The following GFOD1 variants were observed in gnomAD, a reference collection of about 807,000 sequenced individuals.
GFOD1 encodes the protein glucose-fructose oxidoreductase domain-containing protein 1.
GFOD1 carries 9 observed loss-of-function variants against 25.4 expected under a neutral mutation model. The observed-to-expected ratio is 0.35, with a 90% CI of 0.21 to 0.62. GFOD1 has a LOEUF of 0.62. Among genes scored for constraint, GFOD1 ranks in the 20% least tolerant of loss-of-function variants. The pLI, the probability that GFOD1 is intolerant of heterozygous loss-of-function variation, is 0.72. For missense variants in GFOD1, 403 were observed against 556.9 expected (o/e 0.72, Z 2.78); for synonymous variants, 253 against 245.6 (o/e 1.03, Z -0.28).
intron 1 of GFOD1, among the ~76,000 whole-genome samples, chr6:13,425,289 T>G (rs1405940845): frequency 6.6e-6 from 1 of 152,148 alleles, no homozygotes; most frequent in Non-Finnish European, 1.5e-5. Flanking sequence ...CACAACCTGT[T>G]GAGTTAGTTA....
Position 13,361,919 on chromosome 6 carries a change from C to A in GFOD1, c.*2824G>T, listed in dbSNP as rs1198723954. 1 of 152,010 alleles carries A rather than the reference C, an allele frequency of 6.6e-6. No homozygotes were observed. The highest frequency in any genetic ancestry group is 2.1e-4 in the South Asian group (1 of 4,820). 9.4% of individuals were successfully genotyped at this position (152,010 alleles called of 1,614,324 possible). ...CAGAGCTTAGAGGCCTTTGTGGGGA[C>A]CTCTCTCCAAAACCCGAAGTTTTGG... is the stretch of plus-strand genomic sequence containing the variant. On this transcript the variant is annotated 3_prime_UTR_variant, in exon 2 of 2. Transcript: ENST00000379287.
At chr6:13,461,750 T>A (rs1441367400) in intron 1 of GFOD1, among the ~76,000 whole-genome samples, 1 of 152,082 alleles carries the variant, frequency 6.6e-6, no homozygotes, top group Non-Finnish European at 1.5e-5. Context: ...TCTTTCTCCA[T>A]CATCCCACCT....
At chr6:13,481,144 C>T (rs1758743327) in intron 1 of GFOD1, among the ~76,000 whole-genome samples, 1 of 152,154 alleles carries the variant, frequency 6.6e-6, no homozygotes, top group Non-Finnish European at 1.5e-5. Flanking sequence ...GAGATCATCA[C>T]ACACCAGGAA....
At chr6:13,434,722 A>G (rs896263690) in intron 1 of GFOD1, among the ~76,000 whole-genome samples, 2 of 152,248 alleles carry the variant, frequency 1.3e-5, no homozygotes, top group African/African-American at 4.8e-5. Flanking sequence ...ACCAGTAAAA[A>G]TCAGCCAGGC....
At chr6:13,395,123 A>T (rs1209674859) in intron 1 of GFOD1, among the ~76,000 whole-genome samples, 1 of 152,092 alleles carries the variant, frequency 6.6e-6, no homozygotes, top group African/African-American at 2.4e-5. Flanking sequence ...TGGCTTTGCT[A>T]TGTTGCCCAG....
chr6:13,409,995 C>T (rs1226981368), intron 1 of GFOD1, among the ~76,000 whole-genome samples: 8 of 135,336 alleles, frequency 5.9e-5, no homozygotes, highest in African/African-American at 1.6e-4. Context: ...TAAAATGATA[C>T]GGATTTTTAG....
At chr6:13,480,592 C>A (rs966253562) in intron 1 of GFOD1, among the ~76,000 whole-genome samples, 4 of 152,062 alleles carry the variant, frequency 2.6e-5, no homozygotes, top group Non-Finnish European at 5.9e-5. Context: ...TGGGCCTTGA[C>A]CTCCAGGCCT....
At position 13,410,577 on chromosome 6, in the gene GFOD1, GGAGAGAGAGAGAGAGAGAGAGA is replaced by G. The variant is rs10530261; in HGVS notation, c.254-44937_254-44916del. On this transcript the variant is annotated intron_variant, in intron 1 of 1. Transcript: ENST00000379287. Reference sequence around the variant, plus strand: ...AGCAAAACTCTGTCAAAGAAAGAAAGGAGAGAGAGAGAGAGAGAGAGAGAGAGAGAGAGAGAGGAAGGAAGAA... The same window carrying G: ...AGCAAAACTCTGTCAAAGAAAGAAAGGAGAGAGAGAGAGAGGAAGGAAGAA... Among the ~76,000 whole-genome samples the G allele has an allele frequency of 5.5e-5, 7 of 128,184 alleles. No individual in the cohort carries two copies. In the South Asian group the frequency reaches 1.4e-3, roughly 26 times the overall value. 84.1% of individuals were successfully genotyped at this position (128,184 alleles called of 152,430 possible). A position where few individuals can be genotyped will look rare whatever the true frequency, so the allele number is the denominator to read the frequency against.
rs1316877144 is a variant in GFOD1 at position 13,387,854 on chromosome 6, A to G, written c.254-22192T>C. ...CTCTGTTTGCAGATGACATGATTGTATATTTAGAAAACCCCATCATCTCAG... is the reference window on the plus strand; with the variant it reads ...CTCTGTTTGCAGATGACATGATTGTGTATTTAGAAAACCCCATCATCTCAG... On this transcript the variant is annotated intron_variant, in intron 1 of 1. Transcript: ENST00000379287. Among the ~76,000 whole-genome samples the G allele has an allele frequency of 2.0e-5, 3 of 152,222 alleles. No homozygotes were observed. The East Asian group carries it at 5.8e-4, about 29-fold the overall frequency.
intron 1 of GFOD1, among the ~76,000 whole-genome samples, chr6:13,458,409 G>A (rs1393112354): frequency 4.6e-5 from 7 of 152,028 alleles, no homozygotes; most frequent in Non-Finnish European, 5.9e-5. Flanking sequence ...AAGCCCCCAC[G>A]TCCAGCCTGT....
chr6:13,380,437 T>C (rs1232414565), intron 1 of GFOD1, among the ~76,000 whole-genome samples: 1 of 152,212 alleles, frequency 6.6e-6, no homozygotes, highest in East Asian at 1.9e-4. Flanking sequence ...GATGCTCTTA[T>C]GAATGAAAAC....
chr6:13,384,845 T>C (rs1025084670), intron 1 of GFOD1, among the ~76,000 whole-genome samples: 6 of 152,216 alleles, frequency 3.9e-5, no homozygotes, highest in Non-Finnish European at 7.3e-5. Flanking sequence ...AAAATTTAGG[T>C]ATAAATCAGT....
intron 1 of GFOD1, among the ~76,000 whole-genome samples, chr6:13,382,518 C>T (rs148763722): frequency 2.0e-5 from 3 of 152,282 alleles, no homozygotes; most frequent in Non-Finnish European, 4.4e-5. Flanking sequence ...CCTCCCCAGA[C>T]ATGTGATACT....
At chr6:13,374,685 T>C (rs1785223319) in intron 1 of GFOD1, among the ~76,000 whole-genome samples, 1 of 150,990 alleles carries the variant, frequency 6.6e-6, no homozygotes, top group African/African-American at 2.4e-5. Flanking sequence ...ATATAATGTA[T>C]AGTGATCAGA....
rs538182786 is a variant in GFOD1 at position 13,413,615 on chromosome 6, C to G, written c.254-47953G>C. Among the ~76,000 whole-genome samples the G allele has an allele frequency of 3.3e-4, 50 of 152,294 alleles. 1 individual carries two copies. The highest frequency in any genetic ancestry group is 1.2e-3 in the African/African-American group (49 of 41,562). On this transcript the variant is annotated intron_variant, in intron 1 of 1. Coordinates refer to ENST00000379287, the MANE Select transcript of GFOD1 (RefSeq NM_018988.4). ...AGGCAGGCTGAAAAGAATGTATGAG[C>G]ATTCCCTGGCCAAGATGGGAAAAAA...
chr6:13,393,972 T>C (rs1183502428), intron 1 of GFOD1, among the ~76,000 whole-genome samples: 1 of 151,884 alleles, frequency 6.6e-6, no homozygotes, highest in Non-Finnish European at 1.5e-5. Flanking sequence ...TAGAGACGGG[T>C]TTCACCATGT....
intron 1 of GFOD1, among the ~76,000 whole-genome samples, chr6:13,445,529 T>C (rs1444620384): frequency 6.6e-6 from 1 of 152,190 alleles, no homozygotes; most frequent in East Asian, 1.9e-4. Flanking sequence ...ACAGATCTCG[T>C]CATTTGGCAA....
intron 1 of GFOD1, among the ~76,000 whole-genome samples, chr6:13,441,148 T>C (rs1293293443): frequency 1.3e-5 from 2 of 152,202 alleles, no homozygotes; most frequent in Non-Finnish European, 2.9e-5. Flanking sequence ...GCTAGGGTAG[T>C]GCGGTGCCCA....
chr6:13,380,812 G>A (rs1404210563), intron 1 of GFOD1, among the ~76,000 whole-genome samples: 2 of 152,210 alleles, frequency 1.3e-5, no homozygotes, highest in Non-Finnish European at 2.9e-5. Context: ...GCTGAGGATC[G>A]CTGGGAAATT....
Sources: allele counts gnomAD v4.1 joint callset (sites outside exome capture counted in the v4.1 genomes callset), GRCh38; gene constraint gnomAD v4.1.1; transcripts MANE v1.5; gene names NCBI Gene and HGNC (gene_info 2026-07-23, HGNC 2026-07-21).